The following ARL6IP5 variants were observed in gnomAD, a reference collection of about 807,000 sequenced individuals.
The protein encoded by ARL6IP5 is PRA1 family protein 3.
A neutral mutation model predicts 13.0 loss-of-function variants in ARL6IP5; 6 were observed. The ratio of observed to expected loss-of-function variants is 0.46; its 90% confidence interval spans 0.25 to 0.91. The LOEUF (loss-of-function observed/expected upper bound fraction) is 0.91. Among genes scored for constraint, ARL6IP5 ranks in the 40% least tolerant of loss-of-function variants. ARL6IP5 has a pLI of 0.17. For missense variants in ARL6IP5, 208 were observed against 248.8 expected, an observed-to-expected ratio of 0.84 and a Z score of 1.10; for synonymous variants, 91 against 91.9, an observed-to-expected ratio of 0.99 and a Z score of 0.06.
chr3:69,086,470 C>T (rs923283484), intron 1 of ARL6IP5, among the ~76,000 whole-genome samples: 1 of 152,244 alleles, frequency 6.6e-6, no homozygotes, highest in Non-Finnish European at 1.5e-5. Context: ...TGGAAGCCCA[C>T]ATGTGGGACT....
intron 1 of ARL6IP5, among the ~76,000 whole-genome samples, chr3:69,087,405 C>A (rs1158229456): frequency 6.6e-6 from 1 of 151,794 alleles, no homozygotes; most frequent in African/African-American, 2.4e-5. Flanking sequence ...GGCATCTTAT[C>A]TGGTGATCTA....
chr3:69,104,773 G>C lies in ARL6IP5; in HGVS notation c.*137G>C. ...TATCTATGGCAGCATGCATGTATAGGCCGAACTATTATCAGCTCTGATGTT... is the reference window on the plus strand; with the variant it reads ...TATCTATGGCAGCATGCATGTATAGCCCGAACTATTATCAGCTCTGATGTT... On this transcript the variant is annotated 3_prime_UTR_variant, in exon 3 of 3. Transcript: ENST00000273258. The C allele has an allele frequency of 1.0e-6, 1 of 965,398 alleles. No individual in the cohort carries two copies. The highest frequency in any genetic ancestry group is 1.6e-6 in the Non-Finnish European group (1 of 623,634). 59.8% of individuals were successfully genotyped at this position (965,398 alleles called of 1,614,324 possible).
chr3:69,096,290 A>G (rs1559653767), intron 1 of ARL6IP5, among the ~76,000 whole-genome samples: 1 of 152,158 alleles, frequency 6.6e-6, no homozygotes, highest in Non-Finnish European at 1.5e-5. Flanking sequence ...AGGTGAAACA[A>G]ATTTGGAATT....
chr3:69,095,109 G>A (rs1427646731), intron 1 of ARL6IP5, among the ~76,000 whole-genome samples: 1 of 152,138 alleles, frequency 6.6e-6, no homozygotes, highest in East Asian at 1.9e-4. Flanking sequence ...GGGTTCTACT[G>A]TGAGTTGCTG....
chr3:69,086,372 G>A (rs1233899828), intron 1 of ARL6IP5, among the ~76,000 whole-genome samples: 1 of 152,202 alleles, frequency 6.6e-6, no homozygotes, highest in Non-Finnish European at 1.5e-5. Flanking sequence ...TTGTTGAGAA[G>A]CTAAAGGAGC....
intron 1 of ARL6IP5, among the ~76,000 whole-genome samples, chr3:69,088,759 A>G (rs1269782878): frequency 2.0e-5 from 3 of 152,248 alleles, no homozygotes; most frequent in South Asian, 4.1e-4. Context: ...CGAAGTTGCC[A>G]TAGCTTACCT....
At position 69,104,983 on chromosome 3, in the gene ARL6IP5, A is replaced by G; in HGVS notation, c.*347A>G. ...ATTATCTTATAGGAAAAAAAAAATCATTGTAAAGTATCAAGACAATACGAG... is the reference window on the plus strand; with the variant it reads ...ATTATCTTATAGGAAAAAAAAAATCGTTGTAAAGTATCAAGACAATACGAG... On this transcript the variant is annotated 3_prime_UTR_variant, in exon 3 of 3. Coordinates refer to ENST00000273258, the MANE Select transcript of ARL6IP5 (RefSeq NM_006407.4). 1 of 666,048 alleles carries G rather than the reference A, an allele frequency of 1.5e-6. No homozygotes were observed. Among genetic ancestry groups the G allele is most frequent in the Non-Finnish European group, 2.7e-6 (1 of 372,512 alleles). 41.3% of individuals were successfully genotyped at this position (666,048 alleles called of 1,614,324 possible).
intron 1 of ARL6IP5, among the ~76,000 whole-genome samples, chr3:69,087,727 A>G (rs2092252725): frequency 6.6e-6 from 1 of 152,238 alleles, no homozygotes; most frequent in African/African-American, 2.4e-5. Context: ...TTTTGAAGTG[A>G]AAAAGTGAAA....
At chr3:69,094,318 AC>A (rs1575860493) in intron 1 of ARL6IP5, among the ~76,000 whole-genome samples, 1 of 151,848 alleles carries the variant, frequency 6.6e-6, no homozygotes, top group Non-Finnish European at 1.5e-5. Flanking sequence ...GGCCCCACTT[AC>A]CCCCTCAGCC....
At chr3:69,089,333 C>G (rs2092257749) in intron 1 of ARL6IP5, among the ~76,000 whole-genome samples, 1 of 152,080 alleles carries the variant, frequency 6.6e-6, no homozygotes, top group Admixed American at 6.6e-5. Flanking sequence ...CCCGTAACTT[C>G]TGAAATGTAA....
chr3:69,086,968 G>T (rs979675515), intron 1 of ARL6IP5, among the ~76,000 whole-genome samples: 2 of 151,912 alleles, frequency 1.3e-5, no homozygotes, highest in Admixed American at 1.3e-4. Context: ...AAAGTGCTGG[G>T]ATTACAGGCG....
intron 1 of ARL6IP5, among the ~76,000 whole-genome samples, chr3:69,092,573 C>T (rs1462959393): frequency 1.3e-5 from 2 of 152,188 alleles, no homozygotes; most frequent in African/African-American, 2.4e-5. Flanking sequence ...CAGGTTCAAG[C>T]GATTCTCCTG....
chr3:69,091,976 A>G (rs1245747468), intron 1 of ARL6IP5, among the ~76,000 whole-genome samples: 1 of 151,928 alleles, frequency 6.6e-6, no homozygotes, highest in East Asian at 1.9e-4. Flanking sequence ...CTTATCACTC[A>G]GCTTCAGAAA....
At chr3:69,099,651 C>G (rs946382552) in intron 1 of ARL6IP5, among the ~76,000 whole-genome samples, 4 of 152,200 alleles carry the variant, frequency 2.6e-5, no homozygotes, top group Non-Finnish European at 5.9e-5. Context: ...AGTTCTTCAT[C>G]TCTTCCATTT....
At chr3:69,098,399 G>A (rs1018077378) in intron 1 of ARL6IP5, among the ~76,000 whole-genome samples, 4 of 151,782 alleles carry the variant, frequency 2.6e-5, no homozygotes, top group Non-Finnish European at 5.9e-5. Context: ...TCCCGCCACC[G>A]AGCCCAACTA....
At chr3:69,093,159 TC>T (rs1397429310) in intron 1 of ARL6IP5, among the ~76,000 whole-genome samples, 1 of 152,118 alleles carries the variant, frequency 6.6e-6, no homozygotes, top group African/African-American at 2.4e-5. Context: ...CAAAAGAAAA[TC>T]TGGAGGTTCC....
intron 1 of ARL6IP5, among the ~76,000 whole-genome samples, chr3:69,092,214 C>T (rs115727005): frequency 5.4e-4 from 82 of 152,306 alleles, no homozygotes; most frequent in Non-Finnish European, 1.0e-3. Context: ...CCTTCCTTCT[C>T]GTTATGCAAT....
intron 1 of ARL6IP5, among the ~76,000 whole-genome samples, chr3:69,096,597 CTTTTTTTTTTTTT>C (rs11291168): frequency 1.4e-5 from 1 of 69,556 alleles, no homozygotes; most frequent in African/African-American, 6.0e-5. Context: ...TTTTGCTTTG[CTTTTTTTTTTTTT>C]TTTTTTTTTT....
chr3:69,090,282 T>C (rs1284207402), intron 1 of ARL6IP5, among the ~76,000 whole-genome samples: 1 of 152,218 alleles, frequency 6.6e-6, no homozygotes, highest in East Asian at 1.9e-4. Context: ...TTAGTCAGCT[T>C]CAACACCAGT....
Sources: allele counts gnomAD v4.1 joint callset (sites outside exome capture counted in the v4.1 genomes callset), GRCh38; gene constraint gnomAD v4.1.1; transcripts MANE v1.5; gene names NCBI Gene and HGNC (gene_info 2026-07-23, HGNC 2026-07-21).